ZNF677: variants seen among roughly 807,000 people sequenced by gnomAD.
ZNF677 encodes hypothetical protein MGC48625.
ZNF677 carries 5 observed loss-of-function variants against 8.1 expected under a neutral mutation model. The observed-to-expected ratio is 0.62, with a 90% CI of 0.32 to 1.29. ZNF677 has a LOEUF of 1.29. Ranked by LOEUF, ZNF677 falls within the 50% of genes most tolerant of loss-of-function variation. ZNF677 has a pLI of 0.05. For synonymous variants in ZNF677, 221 were observed against 225.6 expected (o/e 0.98, Z 0.18); for missense variants, 685 against 685.9 (o/e 1.00, Z 0.01).
At chr19:53,239,672 A>G (rs928175347) in intron 4 of ZNF677, 1 of 138,678 alleles carries the variant, frequency 7.2e-6, no homozygotes, top group Non-Finnish European at 1.6e-5. Flanking sequence ...CATAAGAAAC[A>G]TGACAGACAC....
chr19:53,238,463 G>C lies in ZNF677; in HGVS notation c.264C>G (p.Ser88Arg). The C allele has an allele frequency of 6.2e-7, 1 of 1,613,172 alleles. No homozygotes were observed. Among genetic ancestry groups the C allele is most frequent in the East Asian group, 2.2e-5 (1 of 44,840 alleles). ...YHLVILERKE[S>R]HGINNFDLKE... ...TGAGGTCAAAATTGTTGATGCCATG[G>C]CTTTCCTTTCTTTCTAATATCACCA... is the stretch of plus-strand genomic sequence containing the variant. The change falls in exon 5 of 5, where the codon AGC (serine) becomes AGG (arginine). Residue 88 changes from serine (S) to arginine (R), a missense_variant. By Grantham distance (110) the Ser-to-Arg change is moderately radical. Coordinates refer to ENST00000598513, the MANE Select transcript of ZNF677 (RefSeq NM_182609.4).
chr19:53,246,712 T>A (rs889878521), intron 3 of ZNF677, among the ~76,000 whole-genome samples: 1 of 151,872 alleles, frequency 6.6e-6, no homozygotes, highest in African/African-American at 2.4e-5. Context: ...AATAGAATGG[T>A]GGTTGCTAGG....
At chr19:53,250,017 C>T (rs1443835142) in intron 3 of ZNF677, among the ~76,000 whole-genome samples, 1 of 152,010 alleles carries the variant, frequency 6.6e-6, no homozygotes, top group Non-Finnish European at 1.5e-5. Context: ...GGATTACAGG[C>T]ACGTGCCACC....
chr19:53,238,189 C>G lies in ZNF677; in HGVS notation c.538G>C (p.Gly180Arg), dbSNP rs140732889. 1.9e-6 allele frequency: 3 copies of G among 1,613,360 alleles called. No individual in the cohort carries two copies. Among genetic ancestry groups the G allele is most frequent in the African/African-American group, 2.7e-5 (2 of 74,852 alleles). The change falls in exon 5 of 5, where the codon GGA becomes CGA. Residue 180 changes from glycine (G) to arginine (R), a missense_variant. Physicochemically the swap from Gly to Arg is moderately radical, Grantham distance 125. Coordinates refer to ENST00000598513, the MANE Select transcript of ZNF677 (RefSeq NM_182609.4). ...LKLKNNIRYAGNKYVKCFENK... is the reference protein window; with the variant it reads ...LKLKNNIRYARNKYVKCFENK... ...TCAAAACACTTCACGTATTTGTTTCCGGCATACCTTATGTTATTTTTCAGT... is the reference window on the plus strand; with the variant it reads ...TCAAAACACTTCACGTATTTGTTTCGGGCATACCTTATGTTATTTTTCAGT...
At chr19:53,238,592 C>A in intron 4 of ZNF677, 35 bp from the exon 5 acceptor site, 2 of 1,498,808 alleles carry the variant, frequency 1.3e-6, no homozygotes, top group Non-Finnish European at 1.8e-6. Flanking sequence ...GGCTTTCCAT[C>A]AAATAGAGTT....
At chr19:53,240,996 A>C (rs1283861182) in intron 4 of ZNF677, 2 of 152,152 alleles carry the variant, frequency 1.3e-5, no homozygotes, top group Non-Finnish European at 2.9e-5. Flanking sequence ...AAAAATAGAA[A>C]GTCTATTTTT....
At chr19:53,254,201 C>G (rs981019830) in intron 1 of ZNF677, among the ~76,000 whole-genome samples, 1 of 151,558 alleles carries the variant, frequency 6.6e-6, no homozygotes, top group Non-Finnish European at 1.5e-5. Context: ...ATTTGGGTGC[C>G]CCCCCCTTTC....
At chr19:53,253,777 AT>A (rs146672558) in intron 1 of ZNF677, among the ~76,000 whole-genome samples, 3,707 of 152,286 alleles carry the variant, frequency 0.024, 64 homozygotes, top group Non-Finnish European at 0.041. Flanking sequence ...TACTTTGAAA[AT>A]TTTTTTTAAA....
intron 4 of ZNF677, chr19:53,242,079 G>T (rs2091060038): frequency 5.1e-6 from 2 of 394,742 alleles, no homozygotes; most frequent in Non-Finnish European, 8.9e-6. Context: ...TTACAGGCAT[G>T]CGCCAACACA....
In ZNF677 at chr19:53,237,920, T is replaced by C. The variant is rs1477059732; in HGVS notation, c.807A>G (p.Gly269=). 1.9e-6 allele frequency: 3 copies of C among 1,612,486 alleles called. No individual in the cohort carries two copies. In the African/African-American group the frequency reaches 4.0e-5, roughly 22 times the overall value. The change falls in exon 5 of 5, where the codon GGA becomes GGG. Residue 269 remains glycine (G), a synonymous_variant. Transcript: ENST00000598513. ...REKSYKCNDC[G]KAFSKSSNLT... ...GGTTCGAACTTTTGCTAAAAGCCTTTCCACAGTCATTACACTTGTATGATT... is the reference window on the plus strand; with the variant it reads ...GGTTCGAACTTTTGCTAAAAGCCTTCCCACAGTCATTACACTTGTATGATT...
At chr19:53,251,847 T>C (rs2091239303) in intron 2 of ZNF677, among the ~76,000 whole-genome samples, 1 of 152,208 alleles carries the variant, frequency 6.6e-6, no homozygotes, top group African/African-American at 2.4e-5. Context: ...ATCAATTGCA[T>C]TGTCCTTTGT....
intron 3 of ZNF677, among the ~76,000 whole-genome samples, chr19:53,250,751 C>T (rs535944527): frequency 6.6e-6 from 1 of 152,234 alleles, no homozygotes; most frequent in African/African-American, 2.4e-5. Flanking sequence ...ATGAAATAAT[C>T]TGTCCAACAA....
intron 1 of ZNF677, among the ~76,000 whole-genome samples, chr19:53,253,690 AAAAT>A (rs148994287): frequency 2.6e-5 from 4 of 152,120 alleles, no homozygotes; most frequent in East Asian, 1.9e-4. Flanking sequence ...CCGTCTCAAA[AAAAT>A]AAATAAATAA....
At chr19:53,245,904 C>G (rs1429303367) in intron 3 of ZNF677, among the ~76,000 whole-genome samples, 1 of 151,914 alleles carries the variant, frequency 6.6e-6, no homozygotes, top group African/African-American at 2.4e-5. Flanking sequence ...CCCAGCTACT[C>G]AGGAGGCTGA....
chr19:53,247,350 C>G (rs991319066), intron 3 of ZNF677, among the ~76,000 whole-genome samples: 1 of 149,908 alleles, frequency 6.7e-6, no homozygotes, highest in Admixed American at 6.7e-5. Flanking sequence ...TTGGGCCACA[C>G]ATAAAATACA....
intron 3 of ZNF677, among the ~76,000 whole-genome samples, chr19:53,246,854 T>C (rs947698713): frequency 6.6e-6 from 1 of 152,234 alleles, no homozygotes. Context: ...GTTAAGACAG[T>C]AGTTCTTAGG....
Position 53,238,313 on chromosome 19 carries a change from T to C in ZNF677, c.414A>G (p.Lys138=), listed in dbSNP as rs755441641. The change falls in exon 5 of 5, where the codon AAA becomes AAG. Residue 138 remains lysine (K), a synonymous_variant. Coordinates refer to ENST00000598513, the MANE Select transcript of ZNF677 (RefSeq NM_182609.4). Reference sequence around the variant, plus strand: ...GCTTTAAAGAGAAATGTATTGAGGATTTATTATGTTGTTGATCTTTTCTGT... The same window carrying C: ...GCTTTAAAGAGAAATGTATTGAGGACTTATTATGTTGTTGATCTTTTCTGT... The part of the protein sequence containing the change: ...LTHRKDQQHN[K]SSIHFSLKQS... 6.2e-7 allele frequency: 1 copy of C among 1,613,650 alleles called. No individual in the cohort carries two copies. The highest frequency in any genetic ancestry group is 8.5e-7 in the Non-Finnish European group (1 of 1,179,798).
Position 53,237,988 on chromosome 19 carries a change from G to C in ZNF677, c.739C>G (p.Pro247Ala), listed in dbSNP as rs747214859. ...CNKYRKILKY[P>A]LLHTQYGRTH... is the part of the protein sequence containing the mutation. ...CTCCCATACTGTGTATGTAATAAAGGGTATTTCAAAATCTTCCTATATTTA... is the reference window on the plus strand; with the variant it reads ...CTCCCATACTGTGTATGTAATAAAGCGTATTTCAAAATCTTCCTATATTTA... Residue 247 changes from proline (P) to alanine (A), a missense_variant, in exon 5 of 5, where the codon CCT (proline) becomes GCT (alanine). Physicochemically the swap from Pro to Ala is conservative, Grantham distance 27. Transcript: ENST00000598513. 4.3e-6 allele frequency: 7 copies of C among 1,612,806 alleles called. No individual in the cohort carries two copies. The highest frequency in any genetic ancestry group is 1.6e-4 in the Middle Eastern group (1 of 6,062).
At chr19:53,253,754 A>G (rs2091271491) in intron 1 of ZNF677, among the ~76,000 whole-genome samples, 1 of 152,232 alleles carries the variant, frequency 6.6e-6, no homozygotes, top group Non-Finnish European at 1.5e-5. Flanking sequence ...TGAACAATAC[A>G]TTTAAGAGAA....
Sources: gnomAD v4.1 joint callset for allele counts (sites outside exome capture counted in the v4.1 genomes callset) on GRCh38, gnomAD v4.1.1 for gene constraint, MANE v1.5 for transcripts, NCBI Gene and HGNC (gene_info 2026-07-23, HGNC 2026-07-21) for gene names.